Variants in KANK3 observed in about 807,000 individuals in gnomAD.
KANK3 encodes KN motif and ankyrin repeat domain-containing protein 3.
A neutral mutation model predicts 65.4 loss-of-function variants in KANK3; 61 were observed. That is an observed-to-expected ratio of 0.93 (90% CI 0.76 to 1.15). KANK3 has a LOEUF of 1.15. KANK3 is among the 50% of genes most tolerant of loss of function. The pLI, the probability that KANK3 is intolerant of heterozygous loss-of-function variation, is 0.00. For synonymous variants in KANK3, 586 were observed against 543.3 expected, an observed-to-expected ratio of 1.08 and a Z score of -1.09; for missense variants, 1,187 against 1,178.8, an observed-to-expected ratio of 1.01 and a Z score of -0.10.
At chr19:8,324,862 G>C in intron 8 of KANK3, 32 bp from the exon 9 acceptor site, 3 of 1,603,588 alleles carry the variant, frequency 1.9e-6, no homozygotes, top group Non-Finnish European at 2.6e-6. Context: ...GGAACAGGCT[G>C]GGGTAGGCTC....
intron 7 of KANK3, among the ~76,000 whole-genome samples, chr19:8,328,387 C>CCACA (rs55963090): frequency 0.011 from 1,574 of 145,152 alleles, 13 homozygotes; most frequent in South Asian, 0.019. Flanking sequence ...ACCACCCCCA[C>CCACA]CACACACACA....
Position 8,333,092 on chromosome 19 carries a change from C to A in KANK3, c.1858G>T (p.Asp620Tyr), listed in dbSNP as rs147436003. The A allele has an allele frequency of 3.2e-5, 52 of 1,612,298 alleles. No homozygotes were observed. The African/African-American group carries it at 6.7e-4, about 21-fold the overall frequency. The change falls in exon 7 of 11, where the codon GAT (aspartate) becomes TAT (tyrosine). Residue 620 changes from aspartate to tyrosine, a missense_variant. Around this residue, in one of 3 missense-constraint regions of KANK3, gnomAD observed 1,078 missense variants for 1,038.2 expected, o/e 1.04. Coordinates refer to ENST00000330915, the MANE Select transcript of KANK3 (RefSeq NM_198471.3). The surrounding 1 kb of genome is among the most constrained non-coding windows in gnomAD (Gnocchi z 5.0). ...ELLAHVVNLA[D>Y]GNGNTALHYS... ...TGCAGGGCCGTGTTCCCGTTGCCAT[C>A]CGCCAGGTTCACCACGTGCGCCAGC...
chr19:8,324,371 G>A, intron 10 of KANK3, 78 bp downstream of exon 10: 1 of 1,311,286 alleles, frequency 7.6e-7, no homozygotes. Context: ...CAGAAAGGGA[G>A]GCTCAGGGCA....
At chr19:8,337,742 C>T (rs1568579016) in intron 2 of KANK3, 53 bp downstream of exon 2, 3 of 1,595,020 alleles carry the variant, frequency 1.9e-6, no homozygotes, top group Non-Finnish European at 1.7e-6. Context: ...GGGCATCAAG[C>T]GTTTCTCTGT....
At position 8,335,346 on chromosome 19, in the gene KANK3, G is replaced by C. The variant is rs1970616814; in HGVS notation, c.481C>G (p.Pro161Ala). The change falls in exon 3 of 11, where the codon CCA becomes GCA. Residue 161 changes from proline (P) to alanine (A), a missense_variant. By Grantham distance (27) the Pro-to-Ala change is conservative. This residue lies in a region of KANK3 where 1,078 missense variants were observed against 1,038.2 expected (regional missense o/e 1.04). Coordinates refer to ENST00000330915, the MANE Select transcript of KANK3 (RefSeq NM_198471.3). ...GGGCTGCTGCGGCCGGACCCGCGTG[G>C]GCTGCGCGGGACCCCGCGGCCGGGG... The part of the protein sequence containing the change: ...PSPGRGVPRS[P>A]RGSGRSSPAP... The C allele has an allele frequency of 8.4e-7, 1 of 1,194,560 alleles. No individual in the cohort carries two copies. The highest frequency in any genetic ancestry group is 1.0e-6 in the Non-Finnish European group (1 of 964,438). 74.0% of individuals were successfully genotyped at this position (1,194,560 alleles called of 1,614,324 possible).
chr19:8,327,848 C>T (rs942756091), intron 7 of KANK3, among the ~76,000 whole-genome samples: 5 of 152,142 alleles, frequency 3.3e-5, no homozygotes, highest in African/African-American at 7.2e-5. Flanking sequence ...ACTAAGACAC[C>T]GTGTAAGGCG....
chr19:8,333,860 A>G lies in KANK3; in HGVS notation c.1634+50T>C. 6.5e-7 allele frequency: 1 copy of G among 1,550,036 alleles called. No individual in the cohort carries two copies. Among genetic ancestry groups the G allele is most frequent in the Non-Finnish European group, 8.7e-7 (1 of 1,147,902 alleles). ...GGATGGATCGGGGACAGCGCCGACC[A>G]GGAGGAGGGCAGCCGCCTCCTCTCC... On this transcript the variant is annotated intron_variant, in intron 5 of 10. Coordinates refer to ENST00000330915, the MANE Select transcript of KANK3 (RefSeq NM_198471.3). The surrounding 1 kb of genome is among the most constrained non-coding windows in gnomAD (Gnocchi z 5.0).
chr19:8,325,336 GCT>G (rs2145413435), intron 7 of KANK3, among the ~76,000 whole-genome samples: 1 of 101,806 alleles, frequency 9.8e-6, no homozygotes, highest in East Asian at 2.7e-4. Flanking sequence ...ACATAGTCTC[GCT>G]CTGTCACCCA....
At chr19:8,336,664 T>C (rs1970644454) in intron 2 of KANK3, among the ~76,000 whole-genome samples, 1 of 142,216 alleles carries the variant, frequency 7.0e-6, no homozygotes, top group Non-Finnish European at 1.5e-5. Context: ...CACTTGAGCC[T>C]GGGAGGCAGA....
At position 8,334,440 on chromosome 19, in the gene KANK3, G is replaced by T. The variant is rs755238642; in HGVS notation, c.1328-21C>A. ...GATGCCTGGCGGGGATGAGATGAGG[G>T]CACTGAGTTCGAGTCCGGCGCCGAG... On this transcript the variant is annotated intron_variant, in intron 3 of 10. Transcript: ENST00000330915. The T allele has an allele frequency of 2.5e-6, 4 of 1,612,806 alleles. No individual in the cohort carries two copies. In the South Asian group the frequency reaches 4.4e-5, roughly 18 times the overall value.
Position 8,333,703 on chromosome 19 carries a change from C to A in KANK3, c.1719+21G>T, listed in dbSNP as rs781466759. 1 of 1,441,610 alleles carries A rather than the reference C, an allele frequency of 6.9e-7. No individual in the cohort carries two copies. Among genetic ancestry groups the A allele is most frequent in the Non-Finnish European group, 9.1e-7 (1 of 1,096,072 alleles). The allele number at this position is 1,441,610 out of a possible 1,614,324, so 89.3% of individuals were successfully genotyped here. On this transcript the variant is annotated intron_variant, in intron 6 of 10. Coordinates refer to ENST00000330915, the MANE Select transcript of KANK3 (RefSeq NM_198471.3). The surrounding 1 kb of genome is among the most constrained non-coding windows in gnomAD (Gnocchi z 5.0). ...GAGGCTCCCACGCCACTCCCTGGTG[C>A]TGCGCTCCCGGGGCACTCACGCCGT... is the stretch of plus-strand genomic sequence containing the variant.
intron 7 of KANK3, among the ~76,000 whole-genome samples, chr19:8,330,865 C>T (rs1053889868): frequency 2.0e-5 from 3 of 151,712 alleles, no homozygotes; most frequent in Non-Finnish European, 4.4e-5. Flanking sequence ...TATTGCACCA[C>T]TGCAGTCCAG....
intron 2 of KANK3, among the ~76,000 whole-genome samples, chr19:8,337,035 T>C (rs1362720479): frequency 8.7e-6 from 1 of 114,870 alleles, no homozygotes; most frequent in Non-Finnish European, 1.8e-5. Context: ...TTTTGTTTTG[T>C]TTTTTTCTTT....
chr19:8,334,039 C>A lies in KANK3; in HGVS notation c.1505G>T (p.Ser502Ile). 1 of 1,547,130 alleles carries A rather than the reference C, an allele frequency of 6.5e-7. No homozygotes were observed. Among genetic ancestry groups the A allele is most frequent in the Non-Finnish European group, 8.7e-7 (1 of 1,151,824 alleles). The change falls in exon 5 of 11, where the codon AGC becomes ATC. Residue 502 changes from serine (S) to isoleucine (I), a missense_variant. By Grantham distance (142) the Ser-to-Ile change is moderately radical. Transcript: ENST00000330915. ...SENGGAEPPGSSSGSGDDSGG... is the reference protein window; with the variant it reads ...SENGGAEPPGISSGSGDDSGG... Reference sequence around the variant, plus strand: ...GCTGTCATCCCCGGAGCCCGAGGAGCTACCCGGGGGCTCGGCGCCACCGTT... The same window carrying A: ...GCTGTCATCCCCGGAGCCCGAGGAGATACCCGGGGGCTCGGCGCCACCGTT...
chr19:8,330,975 A>T (rs1157748580), intron 7 of KANK3, among the ~76,000 whole-genome samples: 2 of 152,152 alleles, frequency 1.3e-5, no homozygotes, highest in East Asian at 3.9e-4. Context: ...AGGCAGGCAG[A>T]TGAGTTGAGG....
rs756368086 is a variant in KANK3, at chr19:8,325,092, G to C, written c.1941C>G (p.Ala647=). Residue 647 remains alanine, a synonymous_variant, in exon 8 of 11, where the codon GCC becomes GCG. Transcript: ENST00000330915. ...AIASLLLDTG[A]CEVNRQNRAG... ...CTCGGTTCTGGCGGTTGACCTCGCAGGCCCCTGGGAGAGAAAAGGGGGCCG... is the reference window on the plus strand; with the variant it reads ...CTCGGTTCTGGCGGTTGACCTCGCACGCCCCTGGGAGAGAAAAGGGGGCCG... The C allele has an allele frequency of 1.2e-6, 2 of 1,611,116 alleles. No individual in the cohort carries two copies. The highest frequency in any genetic ancestry group is 1.7e-6 in the Non-Finnish European group (2 of 1,179,182).
In KANK3 at chr19:8,333,103, A is replaced by T; in HGVS notation, c.1847T>A (p.Val616Glu). The T allele has an allele frequency of 6.2e-7, 1 of 1,612,298 alleles. No homozygotes were observed. Among genetic ancestry groups the T allele is most frequent in the Non-Finnish European group, 8.5e-7 (1 of 1,179,830 alleles). ...RLGPELLAHVVNLADGNGNTA... is the reference protein window; with the variant it reads ...RLGPELLAHVENLADGNGNTA... ...GTTCCCGTTGCCATCCGCCAGGTTCACCACGTGCGCCAGCAGTTCGGGTCC... is the reference window on the plus strand; with the variant it reads ...GTTCCCGTTGCCATCCGCCAGGTTCTCCACGTGCGCCAGCAGTTCGGGTCC... Residue 616 changes from valine (V) to glutamate (E), a missense_variant, in exon 7 of 11, where the codon GTG becomes GAG. Val to Glu is a moderately radical substitution (Grantham distance 121). Around this residue, in one of 3 missense-constraint regions of KANK3, gnomAD observed 1,078 missense variants for 1,038.2 expected, o/e 1.04. Transcript: ENST00000330915. The surrounding 1 kb of genome is among the most constrained non-coding windows in gnomAD (Gnocchi z 5.0).
At chr19:8,322,963 T>G in intron 10 of KANK3, 41 bp from the exon 11 acceptor site, 1 of 1,157,304 alleles carries the variant, frequency 8.6e-7, no homozygotes, top group Non-Finnish European at 1.2e-6. Flanking sequence ...TGCAATCTCC[T>G]TGAGGCAGGA....
In KANK3 at chr19:8,331,061, C is replaced by T. The variant is rs144176834; in HGVS notation, c.1936+1953G>A. ...TACAAAAATTAGCCGGGCGTGGTGG[C>T]GGGCGCCTGTAGTCCCAGCTACTCG... On this transcript the variant is annotated intron_variant, in intron 7 of 10. Transcript: ENST00000330915. Among the ~76,000 whole-genome samples, 708 of 150,832 alleles carry T rather than the reference C, an allele frequency of 4.7e-3. 6 individuals are homozygous for T. Among genetic ancestry groups the T allele is most frequent in the African/African-American group, 0.016 (674 of 41,132 alleles).
Sources: allele counts gnomAD v4.1 joint callset (sites outside exome capture counted in the v4.1 genomes callset), GRCh38; gene constraint gnomAD v4.1.1; regional missense constraint gnomAD v4.1.1; non-coding constraint Gnocchi (gnomAD v3.1); transcripts MANE v1.5; gene names NCBI Gene and HGNC (gene_info 2026-07-23, HGNC 2026-07-21).